YTHDC2: variants seen among roughly 807,000 people sequenced by gnomAD.
YTHDC2 encodes the protein 3'-5' RNA helicase YTHDC2.
In YTHDC2, 45 loss-of-function variants were observed where a neutral mutation model predicts 174.9. The ratio of observed to expected loss-of-function variants is 0.26; its 90% CI spans 0.20 to 0.33. The LOEUF is 0.33. Ranked by LOEUF, YTHDC2 falls within the 10% of genes least tolerant of loss-of-function variation. The pLI, the probability that YTHDC2 is intolerant of heterozygous loss-of-function variation, is 1.00. For synonymous variants in YTHDC2, 657 were observed against 574.5 expected, an observed-to-expected ratio of 1.14 and a Z score of -2.05; for missense variants, 1,650 against 1,723.7, an observed-to-expected ratio of 0.96 and a Z score of 0.76.
At position 113,592,081 on chromosome 5, in the gene YTHDC2, A is replaced by T. The variant is rs1205655506; in HGVS notation, c.4115A>T (p.Glu1372Val). Residue 1372 changes from glutamate (E) to valine (V), a missense_variant, in exon 28 of 30, where the codon GAG becomes GTG. By Grantham distance (121) the Glu-to-Val change is moderately radical. Transcript: ENST00000161863. ...SAGLGGVFKV[E>V]WIRKESLPFQ... ...GGACTAGGAGGAGTATTTAAGGTGG[A>T]GTGGATACGAAAAGAAAGCCTTCCC... The T allele has an allele frequency of 1.9e-6, 3 of 1,613,238 alleles. No individual in the cohort carries two copies. The highest frequency in any genetic ancestry group is 1.7e-5 in the Admixed American group (1 of 59,870).
chr5:113,532,824 A>AT (rs1286325910), intron 4 of YTHDC2, 55 bp from the exon 5 acceptor site: 6 of 1,499,748 alleles, frequency 4.0e-6, no homozygotes, highest in African/African-American at 2.8e-5. Context: ...ATTCACTTAG[A>AT]TTTTTTGTAT....
intron 20 of YTHDC2, among the ~76,000 whole-genome samples, chr5:113,564,535 A>C (rs1325370899): frequency 6.6e-6 from 1 of 152,206 alleles, no homozygotes; most frequent in Non-Finnish European, 1.5e-5. Flanking sequence ...TTTTTCTTAG[A>C]GTTCAGCCTT....
At chr5:113,564,235 T>C in intron 20 of YTHDC2, 104 bp downstream of exon 20, 1 of 1,268,768 alleles carries the variant, frequency 7.9e-7, no homozygotes, top group South Asian at 1.7e-5. Flanking sequence ...AAAATTGCAT[T>C]AATTTTGTTT....
chr5:113,520,640 C>T (rs1421450968), intron 2 of YTHDC2, among the ~76,000 whole-genome samples: 1 of 152,140 alleles, frequency 6.6e-6, no homozygotes, highest in Non-Finnish European at 1.5e-5. Flanking sequence ...GGATGACTCC[C>T]ATGGCCTTAG....
intron 12 of YTHDC2, among the ~76,000 whole-genome samples, chr5:113,552,942 A>G (rs919966449): frequency 6.6e-6 from 1 of 152,026 alleles, no homozygotes; most frequent in African/African-American, 2.4e-5. Context: ...ATGTGCTTAT[A>G]GGCCATTTGT....
At chr5:113,534,188 G>T in intron 5 of YTHDC2, 117 bp from the exon 6 acceptor site, 1 of 741,536 alleles carries the variant, frequency 1.3e-6, no homozygotes. Context: ...TGTACATACC[G>T]GTACACTATT....
rs1209763670 is a variant in YTHDC2, at chr5:113,589,407, A to AT, written c.3826-1634_3826-1633insT. On this transcript the variant is annotated intron_variant, in intron 26 of 29. Coordinates refer to ENST00000161863, the MANE Select transcript of YTHDC2 (RefSeq NM_022828.5). ...GTCTTTTAAAAATTAAAAAAAAAAAAAATATATATATATATATATATATAT... is the reference window on the plus strand; with the variant it reads ...GTCTTTTAAAAATTAAAAAAAAAAAATAATATATATATATATATATATATAT... Among the ~76,000 whole-genome samples, 869 of 108,544 alleles carry AT rather than the reference A, an allele frequency of 8.0e-3. 7 individuals carry two copies. The highest frequency in any genetic ancestry group is 0.025 in the South Asian group (87 of 3,536). The allele number at this position is 108,544 out of a possible 152,430, so 71.2% of individuals were successfully genotyped here. A position where few individuals can be genotyped will look rare whatever the true frequency, so the allele number is the denominator to read the frequency against.
In YTHDC2 at chr5:113,584,435, T is replaced by C. The variant is rs375858273; in HGVS notation, c.3781T>C (p.Tyr1261His). 6.2e-7 allele frequency: 1 copy of C among 1,613,768 alleles called. No homozygotes were observed. Among genetic ancestry groups the C allele is most frequent in the Non-Finnish European group, 8.5e-7 (1 of 1,179,798 alleles). Residue 1261 changes from tyrosine to histidine, a missense_variant, in exon 26 of 30, where the codon TAC (tyrosine) becomes CAC (histidine). By Grantham distance (83) the Tyr-to-His change is moderately conservative. Transcript: ENST00000161863. ...TCTGAAATCTACAGACAGCAGTAGT[T>C]ACCCAAGTCCTTGTGCTAGTCCTTC... ...SSLKSTDSSS[Y>H]PSPCASPSPP...
At chr5:113,551,898 TA>T (rs1776274774) in intron 12 of YTHDC2, among the ~76,000 whole-genome samples, 1 of 152,184 alleles carries the variant, frequency 6.6e-6, no homozygotes, top group African/African-American at 2.4e-5. Flanking sequence ...TGATAATTGC[TA>T]GTGATAGCAG....
At chr5:113,549,061 TAA>T (rs1776076219) in intron 12 of YTHDC2, 41 bp downstream of exon 12, 2 of 1,503,438 alleles carry the variant, frequency 1.3e-6, no homozygotes, top group African/African-American at 2.8e-5. Flanking sequence ...TACCGTCTCT[TAA>T]AAAAGAGCTT....
At chr5:113,562,198 C>T (rs1177713994) in intron 18 of YTHDC2, among the ~76,000 whole-genome samples, 2 of 143,402 alleles carry the variant, frequency 1.4e-5, no homozygotes. Flanking sequence ...ATTTTCTGTT[C>T]CTCCTGGGAG....
At chr5:113,544,690 T>A (rs1775730636) in intron 10 of YTHDC2, among the ~76,000 whole-genome samples, 1 of 130,282 alleles carries the variant, frequency 7.7e-6, no homozygotes, top group Non-Finnish European at 1.5e-5. Flanking sequence ...TTCTTTTAAA[T>A]TTTTTGTTTT....
intron 2 of YTHDC2, among the ~76,000 whole-genome samples, chr5:113,521,537 C>T (rs1378449988): frequency 6.6e-6 from 1 of 151,914 alleles, no homozygotes; most frequent in Non-Finnish European, 1.5e-5. Context: ...TCCAGACCAG[C>T]CTGACTAATA....
Position 113,591,112 on chromosome 5 carries a change from A to G in YTHDC2, c.3897A>G (p.Arg1299=), listed in dbSNP as rs1367322257. The stretch of plus-strand genomic sequence containing the variant: ...TCATAATGAAGAGTAGCAATTTGAG[A>G]AACCTTGAAATTTCTCAACAGAAGG... ...RYFIMKSSNL[R]NLEISQQKGI... is the part of the protein sequence containing the mutation. The change falls in exon 27 of 30, where the codon AGA becomes AGG. Residue 1299 remains arginine, a synonymous_variant. Coordinates refer to ENST00000161863, the MANE Select transcript of YTHDC2 (RefSeq NM_022828.5). 6.2e-7 allele frequency: 1 copy of G among 1,613,954 alleles called. No individual in the cohort carries two copies. The highest frequency in any genetic ancestry group is 1.7e-5 in the Admixed American group (1 of 59,990).
chr5:113,579,917 TA>T, intron 24 of YTHDC2: 1 of 985,234 alleles, frequency 1.0e-6, no homozygotes, highest in East Asian at 1.1e-4. Context: ...TTAAGCAAGG[TA>T]ATTGTCTTAG....
At chr5:113,568,858 A>C (rs750163228) in intron 23 of YTHDC2, among the ~76,000 whole-genome samples, 1 of 152,198 alleles carries the variant, frequency 6.6e-6, no homozygotes, top group Non-Finnish European at 1.5e-5. Flanking sequence ...TCTTTATAAT[A>C]GAATGATTTA....
intron 23 of YTHDC2, among the ~76,000 whole-genome samples, chr5:113,568,765 A>G (rs1777526055): frequency 6.6e-6 from 1 of 152,068 alleles, no homozygotes. Flanking sequence ...TTCTTTATCT[A>G]GCCTACCATT....
chr5:113,552,907 A>C (rs1472562258), intron 12 of YTHDC2, among the ~76,000 whole-genome samples: 3 of 151,994 alleles, frequency 2.0e-5, no homozygotes, highest in Non-Finnish European at 2.9e-5. Context: ...TTTCCCTGAT[A>C]GCTAATGATG....
At chr5:113,571,919 A>G (rs566545837) in intron 23 of YTHDC2, among the ~76,000 whole-genome samples, 3 of 152,248 alleles carry the variant, frequency 2.0e-5, no homozygotes, top group African/African-American at 4.8e-5. Context: ...AAAAAGAACC[A>G]GCTTTTTGAT....
Sources: allele counts gnomAD v4.1 joint callset (sites outside exome capture counted in the v4.1 genomes callset), GRCh38; gene constraint gnomAD v4.1.1; transcripts MANE v1.5; gene names NCBI Gene and HGNC (gene_info 2026-07-23, HGNC 2026-07-21).